Variants in A3GALT2 observed in about 807,000 individuals in gnomAD.
A3GALT2 encodes the protein alpha-1,3-galactosyltransferase 2.
A3GALT2 carries 14 observed loss-of-function variants against 16.6 expected under a neutral mutation model. That is an observed-to-expected ratio of 0.84 (90% confidence interval 0.56 to 1.32). A3GALT2 has a LOEUF of 1.32. A3GALT2 is among the 40% of genes most tolerant of loss of function. A3GALT2 has a pLI of 0.00. For missense variants in A3GALT2, 600 were observed against 490.9 expected, an observed-to-expected ratio of 1.22 and a Z score of -2.10; for synonymous variants, 253 against 218.0, an observed-to-expected ratio of 1.16 and a Z score of -1.42.
At chr1:33,309,221 C>G (rs1392140118) in intron 4 of A3GALT2, among the ~76,000 whole-genome samples, 3 of 152,260 alleles carry the variant, frequency 2.0e-5, no homozygotes, top group Non-Finnish European at 4.4e-5. Context: ...CCACATTTCC[C>G]CCTTTTCTAT....
intron 1 of A3GALT2, among the ~76,000 whole-genome samples, chr1:33,319,351 C>T (rs1214366773): frequency 6.6e-6 from 1 of 152,148 alleles, no homozygotes; most frequent in Non-Finnish European, 1.5e-5. Context: ...AGCAAGGGGG[C>T]TGGGCCAGGG....
Position 33,312,985 on chromosome 1 carries a change from C to T in A3GALT2, c.24-95G>A, listed in dbSNP as rs188008115. 24 of 1,037,350 alleles carry T rather than the reference C, an allele frequency of 2.3e-5. No individual in the cohort carries two copies. The East Asian group carries it at 6.0e-4, about 26-fold the overall frequency. The allele number at this position is 1,037,350 out of a possible 1,614,324, so 64.3% of individuals were successfully genotyped here. A position where few individuals can be genotyped will look rare whatever the true frequency, so the allele number is the denominator to read the frequency against. ...CATGAAAAGTCTTTCTTACTTCCAG[C>T]CAGCTGGTTCTTCTGCATGAAGGTA... On this transcript the variant is annotated intron_variant, in intron 1 of 4. Transcript: ENST00000442999.
intron 1 of A3GALT2, among the ~76,000 whole-genome samples, chr1:33,318,732 C>T (rs114826271): frequency 0.026 from 3,984 of 152,272 alleles, 78 homozygotes; most frequent in Non-Finnish European, 0.04. Context: ...TTCCTCCTGT[C>T]TGAAGCTGGC....
At position 33,306,886 on chromosome 1, in the gene A3GALT2, G is replaced by C. The variant is rs1385671606; in HGVS notation, c.903C>G (p.His301Gln). 1 of 1,521,956 alleles carries C rather than the reference G, an allele frequency of 6.6e-7. No homozygotes were observed. The highest frequency in any genetic ancestry group is 2.1e-5 in the Admixed American group (1 of 48,714). 94.3% of individuals were successfully genotyped at this position (1,521,956 alleles called of 1,614,324 possible). The change falls in exon 5 of 5, where the codon CAC (histidine) becomes CAG (glutamine). Residue 301 changes from histidine to glutamine, a missense_variant. Transcript: ENST00000442999. The part of the protein sequence containing the change: ...ESHLNKFFWL[H>Q]KPAKVLSPEF... ...CGGGCGACAGCACCTTGGCGGGCTT[G>C]TGCAGCCAGAAGAACTTGTTGAGGT...
At position 33,318,833 on chromosome 1, in the gene A3GALT2, G is replaced by C. The variant is rs537990857; in HGVS notation, c.23+2243C>G. Among the ~76,000 whole-genome samples the C allele has an allele frequency of 2.0e-5, 3 of 152,204 alleles. No individual in the cohort carries two copies. In the South Asian group the frequency reaches 6.3e-4, roughly 32 times the overall value. ...TCCAGTACCTGCCAAGCGATGCTAG[G>C]GACTGTCTGCCTCACTCATTATGCC... On this transcript the variant is annotated intron_variant, in intron 1 of 4. Transcript: ENST00000442999.
At chr1:33,315,111 G>T (rs900444385) in intron 1 of A3GALT2, among the ~76,000 whole-genome samples, 10 of 152,024 alleles carry the variant, frequency 6.6e-5, no homozygotes, top group African/African-American at 2.4e-4. Flanking sequence ...GGGGCTGGGC[G>T]TGGTGGCTCA....
chr1:33,311,649 A>C (rs1415510110), intron 4 of A3GALT2, among the ~76,000 whole-genome samples: 1 of 151,936 alleles, frequency 6.6e-6, no homozygotes, highest in African/African-American at 2.4e-5. Context: ...TGAGCTGCTG[A>C]CCTCCAATGG....
At chr1:33,318,737 G>T (rs1267441708) in intron 1 of A3GALT2, among the ~76,000 whole-genome samples, 1 of 152,090 alleles carries the variant, frequency 6.6e-6, no homozygotes, top group Admixed American at 6.6e-5. Context: ...CCTGTCTGAA[G>T]CTGGCCTTGA....
intron 1 of A3GALT2, among the ~76,000 whole-genome samples, chr1:33,317,100 G>A (rs1297888604): frequency 6.6e-6 from 1 of 152,124 alleles, no homozygotes; most frequent in Non-Finnish European, 1.5e-5. Flanking sequence ...CACAGAGAAG[G>A]CGTTTTGGGT....
At chr1:33,318,599 C>T (rs545141877) in intron 1 of A3GALT2, among the ~76,000 whole-genome samples, 13 of 152,154 alleles carry the variant, frequency 8.5e-5, no homozygotes, top group South Asian at 4.2e-4. Context: ...ACCCTGCCTC[C>T]GAGTCTCCAT....
intron 1 of A3GALT2, among the ~76,000 whole-genome samples, chr1:33,315,155 G>A (rs918670228): frequency 1.1e-4 from 17 of 152,180 alleles, no homozygotes; most frequent in Admixed American, 7.9e-4. Context: ...GAGGCCGAGC[G>A]GGTGGATCAC....
chr1:33,315,727 A>G (rs1265461732), intron 1 of A3GALT2, among the ~76,000 whole-genome samples: 1 of 152,254 alleles, frequency 6.6e-6, no homozygotes, highest in Admixed American at 6.5e-5. Context: ...GCTTCTGGGA[A>G]TCTGTTCAAA....
chr1:33,312,867 C>T lies in A3GALT2; in HGVS notation c.47G>A (p.Arg16Gln), dbSNP rs374266228. The T allele has an allele frequency of 4.4e-5, 71 of 1,606,324 alleles. No homozygotes were observed. Among genetic ancestry groups the T allele is most frequent in the East Asian group, 2.2e-4 (10 of 44,726 alleles). The stretch of plus-strand genomic sequence containing the variant: ...GAGGCCAAGTGTAAGTAGGATCTGC[C>T]GCCAGAAGATTCTCTTCCAGGCCCT... ...GLRAWKRIFWRQILLTLGLLG... is the reference protein window; with the variant it reads ...GLRAWKRIFWQQILLTLGLLG... Residue 16 changes from arginine to glutamine, a missense_variant, in exon 2 of 5, where the codon CGG becomes CAG. Arg to Gln is a conservative substitution (Grantham distance 43). Transcript: ENST00000442999.
At chr1:33,310,448 G>A (rs1646228303) in intron 4 of A3GALT2, among the ~76,000 whole-genome samples, 2 of 152,184 alleles carry the variant, frequency 1.3e-5, no homozygotes, top group South Asian at 2.1e-4. Context: ...TAGATAACGA[G>A]GCTGCCTGGA....
At chr1:33,316,994 A>G (rs908170282) in intron 1 of A3GALT2, among the ~76,000 whole-genome samples, 8 of 152,132 alleles carry the variant, frequency 5.3e-5, no homozygotes, top group African/African-American at 1.9e-4. Context: ...TGGGGTGGCA[A>G]CTGGAGGGGA....
rs765303221 is a variant in A3GALT2, at chr1:33,307,406, TGC to T, written c.381_382del (p.His128LeufsTer125). The stretch of plus-strand genomic sequence containing the variant: ...CATCACGCTCTGGCCCGCCATGAAG[TGC>T]TGCTCCGCCGTCTCCAGGAAGCGCT... On this transcript the variant is annotated frameshift_variant, in exon 5 of 5. Transcript: ENST00000442999. LOFTEE classifies it low-confidence loss of function (END_TRUNC). The T allele has an allele frequency of 6.4e-7, 1 of 1,558,980 alleles. No homozygotes were observed.
At position 33,320,823 on chromosome 1, in the gene A3GALT2, G is replaced by C. The variant is rs745520233; in HGVS notation, c.23+253C>G. 6.6e-5 allele frequency among the ~76,000 whole-genome samples: 10 copies of C among 151,882 alleles called. No homozygotes were observed. The highest frequency in any genetic ancestry group is 1.2e-4 in the Non-Finnish European group (8 of 68,014). ...AGTTAAGGGAAGCAAGGGGAGTCCA[G>C]CTTTTCATTGGCTACAAAATCTTGT... On this transcript the variant is annotated intron_variant, in intron 1 of 4. Transcript: ENST00000442999. The surrounding 1 kb of genome is among the most constrained non-coding windows in gnomAD (Gnocchi z 4.3).
intron 4 of A3GALT2, among the ~76,000 whole-genome samples, chr1:33,308,342 G>T (rs1452842366): frequency 6.6e-6 from 1 of 151,928 alleles, no homozygotes; most frequent in Non-Finnish European, 1.5e-5. Context: ...CAGCTGAGAC[G>T]CAGACATTTG....
intron 4 of A3GALT2, among the ~76,000 whole-genome samples, chr1:33,310,148 C>A (rs1183605011): frequency 6.6e-6 from 1 of 152,252 alleles, no homozygotes; most frequent in Non-Finnish European, 1.5e-5. Context: ...CCAAAAAATA[C>A]AAAAACCAGT....
Sources: allele counts gnomAD v4.1 joint callset (sites outside exome capture counted in the v4.1 genomes callset), GRCh38; gene constraint gnomAD v4.1.1; non-coding constraint Gnocchi (gnomAD v3.1); transcripts MANE v1.5; gene names NCBI Gene and HGNC (gene_info 2026-07-23, HGNC 2026-07-21).